The following DMXL1 variants were observed in gnomAD, a reference collection of about 807,000 sequenced individuals.
The protein encoded by DMXL1 is Dmx like 1.
DMXL1 carries 99 observed loss-of-function variants against 319.2 expected under a neutral mutation model. That is an observed-to-expected ratio of 0.31 (90% CI 0.26 to 0.37). The LOEUF is 0.37. DMXL1 is among the 10% of genes least tolerant of loss of function. The probability of loss-of-function intolerance (pLI) is 1.00; values close to 1 mark genes in which losing one functional copy is unlikely to be tolerated. For missense variants in DMXL1, 3,745 were observed against 3,595.6 expected (o/e 1.04, Z -1.06); for synonymous variants, 1,385 against 1,235.2 (o/e 1.12, Z -2.54).
rs1037602530 is a variant in DMXL1, at chr5:119,117,817, A to G, written c.744-998A>G. The stretch of plus-strand genomic sequence containing the variant: ...ATGCTGTTCTCCCTTCTGTTCTGCA[A>G]CTTCTTTTTTAGTCAGTTAGGTAAG... On this transcript the variant is annotated intron_variant, in intron 7 of 43. Transcript: ENST00000539542. 4.6e-5 allele frequency among the ~76,000 whole-genome samples: 7 copies of G among 152,344 alleles called. No homozygotes were observed. In the East Asian group the frequency reaches 1.3e-3, roughly 29 times the overall value.
At chr5:119,245,526 A>G (rs1393713444) in intron 43 of DMXL1, among the ~76,000 whole-genome samples, 1 of 150,830 alleles carries the variant, frequency 6.6e-6, no homozygotes, top group Non-Finnish European at 1.5e-5. Flanking sequence ...AGAATATGCC[A>G]TAGTTAAGTC....
intron 30 of DMXL1, among the ~76,000 whole-genome samples, chr5:119,195,335 A>G (rs899044987): frequency 6.6e-6 from 1 of 152,240 alleles, no homozygotes; most frequent in Non-Finnish European, 1.5e-5. Flanking sequence ...ACTGAGGGGA[A>G]GAAACAATCA....
intron 23 of DMXL1, among the ~76,000 whole-genome samples, chr5:119,168,287 T>G: frequency 6.6e-6 from 1 of 152,224 alleles, no homozygotes; most frequent in East Asian, 1.9e-4. Context: ...AACTTTTGAC[T>G]GTCTTGTTAT....
chr5:119,206,582 C>G (rs1781783452), intron 33 of DMXL1: 2 of 273,796 alleles, frequency 7.3e-6, no homozygotes, highest in Non-Finnish European at 1.4e-5. Context: ...TGAGTAAAAA[C>G]TTCTTAGGGT....
At chr5:119,154,453 A>G (rs1361011038) in intron 19 of DMXL1, among the ~76,000 whole-genome samples, 1 of 152,238 alleles carries the variant, frequency 6.6e-6, no homozygotes, top group African/African-American at 2.4e-5. Flanking sequence ...GTCTAGATGG[A>G]TCGAACTAGC....
intron 9 of DMXL1, among the ~76,000 whole-genome samples, chr5:119,124,317 CAAAAA>C (rs527305652): frequency 3.2e-5 from 3 of 92,344 alleles, no homozygotes; most frequent in Non-Finnish European, 7.0e-5. Flanking sequence ...GACTCCATCT[CAAAAA>C]AAAAAAAAAA....
chr5:119,141,088 G>T (rs1469915687), intron 13 of DMXL1, among the ~76,000 whole-genome samples: 1 of 152,124 alleles, frequency 6.6e-6, no homozygotes, highest in Non-Finnish European at 1.5e-5. Context: ...TAAACTAGGT[G>T]TTGAAGGAAC....
At chr5:119,216,268 C>T (rs1360428101) in intron 34 of DMXL1, among the ~76,000 whole-genome samples, 1 of 152,034 alleles carries the variant, frequency 6.6e-6, no homozygotes, top group African/African-American at 2.4e-5. Context: ...CTGGAGTAAG[C>T]AGAAGGTCAA....
Position 119,190,611 on chromosome 5 carries a change from TA to T in DMXL1, c.7314+732del, listed in dbSNP as rs552165804. On this transcript the variant is annotated intron_variant, in intron 29 of 43. Coordinates refer to ENST00000539542, the MANE Select transcript of DMXL1 (RefSeq NM_001290321.3). The stretch of plus-strand genomic sequence containing the variant: ...GCCAACTAAGATGAAAGTGCATCCA[TA>T]AAAAAAGTGATAGTACTGAGAGTGA... Among the ~76,000 whole-genome samples the T allele has an allele frequency of 2.3e-3, 343 of 152,154 alleles. 2 individuals carry two copies. Among genetic ancestry groups the T allele is most frequent in the African/African-American group, 7.8e-3 (322 of 41,514 alleles).
At chr5:119,166,847 A>AT in intron 22 of DMXL1, 66 bp downstream of exon 22, 1 of 1,326,092 alleles carries the variant, frequency 7.5e-7, no homozygotes, top group Non-Finnish European at 1.0e-6. Context: ...TAGTGCTTAA[A>AT]TTTTTATTTT....
At chr5:119,205,744 T>C (rs1204943466) in intron 33 of DMXL1, among the ~76,000 whole-genome samples, 2 of 152,032 alleles carry the variant, frequency 1.3e-5, no homozygotes, top group Admixed American at 6.6e-5. Flanking sequence ...AAGCATAGAT[T>C]TGAATGGAAT....
rs1400700073 is a variant in DMXL1, at chr5:119,134,067, C to T, written c.2143C>T (p.Pro715Ser). The T allele has an allele frequency of 3.7e-6, 6 of 1,614,152 alleles. No individual in the cohort carries two copies. The highest frequency in any genetic ancestry group is 4.2e-6 in the Non-Finnish European group (5 of 1,180,026). ...LILWRVDPVG[P>S]LSFSGGVSEL... The stretch of plus-strand genomic sequence containing the variant: ...TCTGTGGAGGGTTGACCCAGTTGGG[C>T]CATTGTCTTTTTCTGGAGGAGTTTC... The change falls in exon 12 of 44, where the codon CCA becomes TCA. Residue 715 changes from proline to serine, a missense_variant. Transcript: ENST00000539542.
intron 28 of DMXL1, among the ~76,000 whole-genome samples, chr5:119,189,109 A>G (rs757991928): frequency 6.6e-6 from 1 of 152,172 alleles, no homozygotes; most frequent in African/African-American, 2.4e-5. Context: ...AAAAAATACT[A>G]TCTAATTATA....
rs1263181365 is a variant in DMXL1 at position 119,089,301 on chromosome 5, T to A, written c.88-8678T>A. 8.7e-4 allele frequency among the ~76,000 whole-genome samples: 81 copies of A among 93,602 alleles called. 1 individual carries two copies. Among genetic ancestry groups the A allele is most frequent in the East Asian group, 4.0e-3 (10 of 2,476 alleles). 61.4% of individuals were successfully genotyped at this position (93,602 alleles called of 152,430 possible). On this transcript the variant is annotated intron_variant, in intron 1 of 43. Coordinates refer to ENST00000539542, the MANE Select transcript of DMXL1 (RefSeq NM_001290321.3). ...ACATATATATATATATATTTTTTTT[T>A]TTTTTTTTTTTTTTTTTTTTTTGAG...
At chr5:119,102,797 A>G (rs1161158439) in intron 3 of DMXL1, among the ~76,000 whole-genome samples, 1 of 152,178 alleles carries the variant, frequency 6.6e-6, no homozygotes, top group Non-Finnish European at 1.5e-5. Flanking sequence ...CCTGTCTCTA[A>G]AAATAAAAAT....
At chr5:119,124,423 G>A (rs1051968536) in intron 9 of DMXL1, among the ~76,000 whole-genome samples, 4 of 152,024 alleles carry the variant, frequency 2.6e-5, no homozygotes, top group African/African-American at 7.2e-5. Context: ...CTCAACTTCA[G>A]TCTTAATGCT....
chr5:119,227,259 TCCCCTTC>T (rs1321505916), intron 38 of DMXL1, among the ~76,000 whole-genome samples: 4 of 151,274 alleles, frequency 2.6e-5, no homozygotes, highest in Non-Finnish European at 4.4e-5. Flanking sequence ...TTAATTTTTT[TCCCCTTC>T]TAAAATGTTT....
rs1581524711 is a variant in DMXL1, at chr5:119,244,350, TAC to T, written c.8705-8_8705-7del. On this transcript the variant is annotated splice_region_variant and splice_polypyrimidine_tract_variant and intron_variant, in intron 42 of 43. Transcript: ENST00000539542. ...AAGTGTTTTTGTTTTTTTTTTAATT[TAC>T]TTTCAGCATTTACCTGCCATGACAG... 2 of 1,589,800 alleles carry T rather than the reference TAC, an allele frequency of 1.3e-6. No individual in the cohort carries two copies. The highest frequency in any genetic ancestry group is 1.4e-5 in the African/African-American group (1 of 73,448).
At chr5:119,153,856 T>G (rs1387062192) in intron 19 of DMXL1, among the ~76,000 whole-genome samples, 1 of 152,246 alleles carries the variant, frequency 6.6e-6, no homozygotes, top group Non-Finnish European at 1.5e-5. Context: ...AAATTGAAGC[T>G]TTGTGGCAAC....
Sources: allele counts gnomAD v4.1 joint callset (sites outside exome capture counted in the v4.1 genomes callset), GRCh38; gene constraint gnomAD v4.1.1; transcripts MANE v1.5; gene names NCBI Gene and HGNC (gene_info 2026-07-23, HGNC 2026-07-21).